The following NRG2 variants were observed in gnomAD, a reference collection of about 807,000 sequenced individuals.
NRG2 encodes neuregulin 2, also known as pro-neuregulin-2, membrane-bound isoform.
Under a neutral mutation model 73.9 loss-of-function variants are expected in NRG2, and 27 were observed. That is an observed-to-expected ratio of 0.37 (90% confidence interval 0.27 to 0.50). NRG2 has a LOEUF of 0.50. NRG2 is among the 20% of genes least tolerant of loss of function. The pLI, the probability that NRG2 is intolerant of heterozygous loss-of-function variation, is 0.96. For synonymous variants in NRG2, 532 were observed against 541.0 expected (o/e 0.98, Z 0.23); for missense variants, 1,126 against 1,210.1 (o/e 0.93, Z 1.03).
At position 139,869,910 on chromosome 5, in the gene NRG2, G is replaced by A. The variant is rs1274360908; in HGVS notation, c.1112+1811C>T. Among the ~76,000 whole-genome samples the A allele has an allele frequency of 6.6e-6, 1 of 152,186 alleles. No individual in the cohort carries two copies. The highest frequency in any genetic ancestry group is 1.9e-4 in the East Asian group (1 of 5,190). On this transcript the variant is annotated intron_variant, in intron 4 of 9. Coordinates refer to ENST00000361474, the MANE Select transcript of NRG2 (RefSeq NM_004883.3). This position sits in a 1 kb window ranked among gnomAD's most constrained non-coding sequence, Gnocchi z 4.5. Reference sequence around the variant, plus strand: ...CTAGCACTGGAGCCCTGGCCCCCATGGCCCTCCTCAGCCCTGGCACCTGTC... The same window carrying A: ...CTAGCACTGGAGCCCTGGCCCCCATAGCCCTCCTCAGCCCTGGCACCTGTC...
At chr5:139,884,348 C>T in intron 2 of NRG2, among the ~76,000 whole-genome samples, 1 of 152,106 alleles carries the variant, frequency 6.6e-6, no homozygotes, top group African/African-American at 2.4e-5. Flanking sequence ...GGAGGGCTGC[C>T]AGCATAGGGA....
intron 2 of NRG2, among the ~76,000 whole-genome samples, chr5:139,885,221 G>A (rs1763786801): frequency 6.6e-6 from 1 of 152,210 alleles, no homozygotes; most frequent in South Asian, 2.1e-4. Context: ...AGGCGGAAAG[G>A]GAGGAAAGAA....
intron 1 of NRG2, among the ~76,000 whole-genome samples, chr5:140,012,554 A>C (rs1561751816): frequency 6.6e-6 from 1 of 152,108 alleles, no homozygotes; most frequent in Non-Finnish European, 1.5e-5. Flanking sequence ...CATACTTGAG[A>C]GTCATCTCTA....
In NRG2 at chr5:139,852,953, T is replaced by C; in HGVS notation, c.1367A>G (p.Asn456Ser). Residue 456 changes from asparagine (N) to serine (S), a missense_variant, in exon 7 of 10, where the codon AAT (asparagine) becomes AGT (serine). Coordinates refer to ENST00000361474, the MANE Select transcript of NRG2 (RefSeq NM_004883.3). This position sits in a 1 kb window ranked among gnomAD's most constrained non-coding sequence, Gnocchi z 4.4. ...GTCCAGCCGGGGGTGGCTGGGCCCA[T>C]TGGCCAAGCTCCGGTTCTGATGGGC... ...CPAHQNRSLA[N>S]GPSHPRLDPE... The C allele has an allele frequency of 6.2e-7, 1 of 1,611,334 alleles. No individual in the cohort carries two copies. Among genetic ancestry groups the C allele is most frequent in the Non-Finnish European group, 8.5e-7 (1 of 1,179,208 alleles).
chr5:139,980,359 A>T (rs1756703015), intron 1 of NRG2, among the ~76,000 whole-genome samples: 1 of 151,990 alleles, frequency 6.6e-6, no homozygotes, highest in Non-Finnish European at 1.5e-5. Context: ...CAAAAAAAAA[A>T]AAAAATCTTC....
At chr5:140,010,149 T>C (rs1333915052) in intron 1 of NRG2, among the ~76,000 whole-genome samples, 1 of 152,014 alleles carries the variant, frequency 6.6e-6, no homozygotes, top group Non-Finnish European at 1.5e-5. Context: ...AATACAAAAA[T>C]TAGATGGGCA....
At chr5:140,018,463 G>A (rs1010185083) in intron 1 of NRG2, among the ~76,000 whole-genome samples, 6 of 152,054 alleles carry the variant, frequency 3.9e-5, no homozygotes, top group Admixed American at 6.6e-5. Flanking sequence ...CTGACACAAC[G>A]GTATCTGATT....
intron 1 of NRG2, among the ~76,000 whole-genome samples, chr5:139,949,859 G>A (rs1414001245): frequency 1.3e-5 from 2 of 152,222 alleles, no homozygotes; most frequent in Non-Finnish European, 2.9e-5. Context: ...TGAGAAAAGG[G>A]AAGTAATAGA....
At chr5:139,864,345 C>T (rs543248934) in intron 5 of NRG2, among the ~76,000 whole-genome samples, 6 of 151,382 alleles carry the variant, frequency 4.0e-5, no homozygotes, top group African/African-American at 1.2e-4. Flanking sequence ...CCTTGGGCCT[C>T]GGGGCTCACT....
At chr5:139,946,728 G>A (rs954100560) in intron 1 of NRG2, among the ~76,000 whole-genome samples, 2 of 152,124 alleles carry the variant, frequency 1.3e-5, no homozygotes, top group Non-Finnish European at 2.9e-5. Flanking sequence ...CATCTGATAA[G>A]GAACTTATAT....
intron 2 of NRG2, among the ~76,000 whole-genome samples, chr5:139,883,662 T>C (rs1477167253): frequency 3.3e-5 from 5 of 152,140 alleles, no homozygotes; most frequent in Admixed American, 6.5e-5. Flanking sequence ...CTGGCCCCTC[T>C]ACTAGGTGAG....
chr5:139,919,342 T>C (rs1205618313), intron 1 of NRG2, among the ~76,000 whole-genome samples: 1 of 152,050 alleles, frequency 6.6e-6, no homozygotes, highest in Non-Finnish European at 1.5e-5. Flanking sequence ...CAAGGTTTCC[T>C]GAATCCTTGT....
chr5:139,867,250 C>T (rs1003121569), intron 4 of NRG2, among the ~76,000 whole-genome samples: 1 of 152,168 alleles, frequency 6.6e-6, no homozygotes, highest in African/African-American at 2.4e-5. Context: ...GCTAGAGTTT[C>T]TCTGGGCCTT....
At chr5:140,017,692 T>G (rs904195358) in intron 1 of NRG2, among the ~76,000 whole-genome samples, 1 of 152,070 alleles carries the variant, frequency 6.6e-6, no homozygotes, top group Non-Finnish European at 1.5e-5. Context: ...CAAATGCATA[T>G]GAGAAGAGAA....
Position 139,848,701 on chromosome 5 carries a change from C to A in NRG2, c.1773-4G>T. On this transcript the variant is annotated splice_region_variant and splice_polypyrimidine_tract_variant and intron_variant, in intron 9 of 9. Transcript: ENST00000361474. The stretch of plus-strand genomic sequence containing the variant: ...CGTGGTCAGGGCCGACACGTACCTG[C>A]GGGGAGAGGCAGAGGCATGGGCCAG... The A allele has an allele frequency of 1.6e-6, 2 of 1,265,142 alleles. No individual in the cohort carries two copies. The highest frequency in any genetic ancestry group is 2.3e-4 in the Middle Eastern group (1 of 4,402). 78.4% of individuals were successfully genotyped at this position (1,265,142 alleles called of 1,614,324 possible).
intron 5 of NRG2, among the ~76,000 whole-genome samples, chr5:139,863,258 G>A (rs1350372979): frequency 6.6e-6 from 1 of 152,238 alleles, no homozygotes; most frequent in Non-Finnish European, 1.5e-5. Context: ...CTTTGAATCC[G>A]AAGCCTGAAC....
In NRG2 at chr5:139,847,936, T is replaced by C. The variant is rs760621414; in HGVS notation, c.2534A>G (p.Gln845Arg). ...HSRGPPPRAKQDSAPL is the reference protein window; with the variant it reads ...HSRGPPPRAKRDSAPL ...GGGGCCCTAGAGTGGCGCCGAGTCCTGCTTGGCCCGCGGGGGCGGCCCGCG... is the reference window on the plus strand; with the variant it reads ...GGGGCCCTAGAGTGGCGCCGAGTCCCGCTTGGCCCGCGGGGGCGGCCCGCG... The change falls in exon 10 of 10, where the codon CAG (glutamine) becomes CGG (arginine). Residue 845 changes from glutamine to arginine, a missense_variant. Physicochemically the swap from Gln to Arg is conservative, Grantham distance 43 (BLOSUM62 1). Transcript: ENST00000361474. 4 of 1,497,082 alleles carry C rather than the reference T, an allele frequency of 2.7e-6. No individual in the cohort carries two copies. The highest frequency in any genetic ancestry group is 1.3e-5 in the South Asian group (1 of 79,406). The allele number at this position is 1,497,082 out of a possible 1,614,324, so 92.7% of individuals were successfully genotyped here.
intron 1 of NRG2, among the ~76,000 whole-genome samples, chr5:140,011,271 C>T (rs1759344108): frequency 3.3e-5 from 5 of 152,196 alleles, no homozygotes; most frequent in Admixed American, 3.3e-4. Flanking sequence ...AACTCTGTGT[C>T]AACTTTCTCT....
intron 3 of NRG2, among the ~76,000 whole-genome samples, chr5:139,873,362 G>A (rs1425366185): frequency 1.3e-5 from 2 of 152,202 alleles, no homozygotes; most frequent in Non-Finnish European, 2.9e-5. Context: ...GAGACCCAGG[G>A]AACTAAGAAA....
Sources: gnomAD v4.1 joint callset for allele counts (sites outside exome capture counted in the v4.1 genomes callset) on GRCh38, gnomAD v4.1.1 for gene constraint, Gnocchi (gnomAD v3.1) non-coding constraint, MANE v1.5 for transcripts, NCBI Gene and HGNC (gene_info 2026-07-23, HGNC 2026-07-21) for gene names.